Variants in DST observed in about 807,000 individuals in gnomAD.
DST encodes the protein bullous pemphigoid antigen.
A neutral mutation model predicts 875.2 loss-of-function variants in DST; 253 were observed. The observed-to-expected ratio is 0.29, with a 90% CI of 0.26 to 0.32. DST has a LOEUF of 0.32. Ranked by LOEUF, DST falls within the 10% of genes least tolerant of loss-of-function variation. DST has a pLI of 1.00. For missense variants in DST, 8,287 were observed against 9,111.6 expected (o/e 0.91, Z 3.68); for synonymous variants, 3,124 against 3,197.1 (o/e 0.98, Z 0.77).
chr6:56,698,041 T>C (rs1010827334), intron 9 of DST, among the ~76,000 whole-genome samples: 1 of 152,206 alleles, frequency 6.6e-6, no homozygotes, highest in Non-Finnish European at 1.5e-5. Flanking sequence ...TTCTGGTTAC[T>C]GGCTCTCCCT....
At chr6:56,503,952 T>G in intron 78 of DST, 45 bp downstream of exon 78, 1 of 1,370,640 alleles carries the variant, frequency 7.3e-7, no homozygotes, top group Non-Finnish European at 1.0e-6. Flanking sequence ...AATCAAGGAC[T>G]TAAAACTGCA....
chr6:56,629,118 GCT>G, intron 32 of DST, 130 bp downstream of exon 32: 1 of 843,966 alleles, frequency 1.2e-6, no homozygotes, highest in Non-Finnish European at 1.9e-6. Flanking sequence ...AAGAAATATG[GCT>G]AAGTAGAGGT....
At position 56,722,876 on chromosome 6, in the gene DST, T is replaced by G. The variant is rs2099428158; in HGVS notation, c.687+12352A>C. On this transcript the variant is annotated intron_variant, in intron 5 of 103. Coordinates refer to ENST00000680361, the MANE Select transcript of DST (RefSeq NM_001374736.1). The stretch of plus-strand genomic sequence containing the variant: ...ACATAGGTAACTTCTGTGCATGCTC[T>G]GGCATTGTATAGCTCTGATTACATG... Among the ~76,000 whole-genome samples, 5 of 152,232 alleles carry G rather than the reference T, an allele frequency of 3.3e-5. No homozygotes were observed. The South Asian group carries it at 1.0e-3, about 32-fold the overall frequency.
chr6:56,945,631 T>A (rs1819018618), intron 2 of DST: 1 of 152,082 alleles, frequency 6.6e-6, no homozygotes, highest in Non-Finnish European at 1.5e-5. Flanking sequence ...AGAGTAACCA[T>A]GATATGGGGA....
At chr6:56,827,244 G>C (rs754652197) in intron 4 of DST, among the ~76,000 whole-genome samples, 4 of 152,094 alleles carry the variant, frequency 2.6e-5, no homozygotes, top group African/African-American at 9.7e-5. Context: ...GGCCGGGCGC[G>C]GTGGCTCTCG....
At chr6:56,876,523 T>C (rs6905658) in intron 3 of DST, among the ~76,000 whole-genome samples, 37,743 of 152,040 alleles carry the variant, frequency 0.25, 6,286 homozygotes, top group African/African-American at 0.47. Context: ...CCTGTTCTTC[T>C]TCATCAAGCC....
intron 69 of DST, among the ~76,000 whole-genome samples, chr6:56,525,837 G>C (rs1360035864): frequency 6.6e-6 from 1 of 152,142 alleles, no homozygotes; most frequent in African/African-American, 2.4e-5. Flanking sequence ...TTCTGCAGGA[G>C]TTATAGACAA....
chr6:56,804,608 C>T (rs2099751025), intron 4 of DST, among the ~76,000 whole-genome samples: 1 of 152,128 alleles, frequency 6.6e-6, no homozygotes. Context: ...ATAGAAGAGA[C>T]AATGCTCTAA....
At chr6:56,838,874 GATC>G (rs1432174079) in intron 4 of DST, among the ~76,000 whole-genome samples, 1 of 152,210 alleles carries the variant, frequency 6.6e-6, no homozygotes, top group Non-Finnish European at 1.5e-5. Flanking sequence ...GGTGCTCTCA[GATC>G]TTCTTCAAAC....
At chr6:56,824,293 A>C (rs774706310) in intron 4 of DST, among the ~76,000 whole-genome samples, 3 of 152,186 alleles carry the variant, frequency 2.0e-5, no homozygotes, top group Admixed American at 6.5e-5. Flanking sequence ...TTGCAGACGG[A>C]GTCTCGTTCA....
intron 2 of DST, among the ~76,000 whole-genome samples, chr6:56,949,762 T>G (rs1821416694): frequency 1.3e-5 from 2 of 152,172 alleles, no homozygotes; most frequent in Non-Finnish European, 2.9e-5. Flanking sequence ...ATAACCTAAT[T>G]ATAAAGGATT....
At chr6:56,706,322 A>AAAAGAAAG (rs577113485) in intron 5 of DST, among the ~76,000 whole-genome samples, 2 of 151,426 alleles carry the variant, frequency 1.3e-5, no homozygotes, top group African/African-American at 4.9e-5. Context: ...TCAAAAAAAA[A>AAAAGAAAG]AAAGAAAGAA....
At chr6:56,814,681 C>A (rs1440117002) in intron 4 of DST, among the ~76,000 whole-genome samples, 1 of 152,088 alleles carries the variant, frequency 6.6e-6, no homozygotes, top group South Asian at 2.1e-4. Flanking sequence ...TAAAAGCAAA[C>A]CCTGAAAAAT....
chr6:56,562,343 T>C (rs2097549328), intron 55 of DST, 143 bp from the exon 56 acceptor site: 1 of 481,254 alleles, frequency 2.1e-6, no homozygotes, highest in Non-Finnish European at 3.6e-6. Context: ...AGGTCCAAAA[T>C]GTAAATATCA....
chr6:56,632,740 A>G (rs1249832639), intron 28 of DST, 114 bp downstream of exon 28: 4 of 817,678 alleles, frequency 4.9e-6, no homozygotes, highest in African/African-American at 3.4e-5. Context: ...TTGTGTCTAC[A>G]TATCATAGGC....
intron 4 of DST, among the ~76,000 whole-genome samples, chr6:56,792,170 GT>G (rs997268937): frequency 2.7e-5 from 4 of 147,376 alleles, no homozygotes; most frequent in East Asian, 4.0e-4. Context: ...AGGTTTTTTT[GT>G]TTTTTTTTTC....
At chr6:56,743,523 C>T (rs989354683) in intron 4 of DST, among the ~76,000 whole-genome samples, 2 of 152,156 alleles carry the variant, frequency 1.3e-5, no homozygotes, top group African/African-American at 2.4e-5. Context: ...GAGCCCTTGC[C>T]TCCGCTACAC....
chr6:56,843,598 G>A (rs1380260324), intron 4 of DST: 21 of 984,016 alleles, frequency 2.1e-5, no homozygotes, highest in Non-Finnish European at 2.4e-5. Context: ...GCAGCGGTGC[G>A]GGAGGACCGG....
intron 2 of DST, among the ~76,000 whole-genome samples, chr6:56,927,310 A>G (rs1295276534): frequency 6.6e-6 from 1 of 152,192 alleles, no homozygotes; most frequent in Non-Finnish European, 1.5e-5. Context: ...TAAAAACAAG[A>G]CAAAACAACA....
Sources: gnomAD v4.1 joint callset for allele counts (sites outside exome capture counted in the v4.1 genomes callset) on GRCh38, gnomAD v4.1.1 for gene constraint, MANE v1.5 for transcripts, NCBI Gene and HGNC (gene_info 2026-07-23, HGNC 2026-07-21) for gene names.